ADAMTS17: variants seen among roughly 807,000 people sequenced by gnomAD.
ADAMTS17 encodes ADAM metallopeptidase with thrombospondin type 1 motif 17.
A neutral mutation model predicts 141.5 loss-of-function variants in ADAMTS17; 113 were observed. The ratio of observed to expected loss-of-function variants is 0.80; its 90% CI spans 0.69 to 0.93. The LOEUF is 0.93. Among genes scored for constraint, ADAMTS17 ranks in the 40% least tolerant of loss-of-function variants. The pLI is 0.00. For missense variants in ADAMTS17, 1,659 were observed against 1,517.9 expected (o/e 1.09, Z -1.54); for synonymous variants, 768 against 630.6 (o/e 1.22, Z -3.27).
intron 3 of ADAMTS17, among the ~76,000 whole-genome samples, chr15:100,288,400 T>C (rs138078075): frequency 1.3e-5 from 2 of 152,254 alleles, no homozygotes; most frequent in African/African-American, 4.8e-5. Context: ...GAGACACAGA[T>C]AATACATAGT....
chr15:100,022,604 T>G (rs1353469480), intron 18 of ADAMTS17, among the ~76,000 whole-genome samples: 1 of 152,076 alleles, frequency 6.6e-6, no homozygotes, highest in Non-Finnish European at 1.5e-5. Flanking sequence ...ACCAGTAAAT[T>G]ATGTAACGGA....
At chr15:100,080,935 G>A (rs1305777082) in intron 15 of ADAMTS17, among the ~76,000 whole-genome samples, 1 of 152,190 alleles carries the variant, frequency 6.6e-6, no homozygotes, top group African/African-American at 2.4e-5. Context: ...GTTCTCAGGA[G>A]ATGTGTATGG....
chr15:100,222,928 GC>G (rs1206220424), intron 7 of ADAMTS17, among the ~76,000 whole-genome samples: 1 of 152,202 alleles, frequency 6.6e-6, no homozygotes, highest in African/African-American at 2.4e-5. Flanking sequence ...GACACACTTT[GC>G]TGGCATTCAA....
chr15:100,041,252 T>C (rs1004104755), intron 18 of ADAMTS17, among the ~76,000 whole-genome samples: 18 of 152,258 alleles, frequency 1.2e-4, no homozygotes, highest in African/African-American at 4.3e-4. Context: ...TGTTGAATGT[T>C]CTTTTCTGAA....
intron 18 of ADAMTS17, among the ~76,000 whole-genome samples, chr15:100,023,923 G>C (rs1462186901): frequency 6.6e-6 from 1 of 152,162 alleles, no homozygotes; most frequent in Non-Finnish European, 1.5e-5. Flanking sequence ...AGAAAATCTG[G>C]AAAGTACAAA....
chr15:100,263,227 C>G (rs2142001562), intron 4 of ADAMTS17, among the ~76,000 whole-genome samples: 1 of 152,230 alleles, frequency 6.6e-6, no homozygotes, highest in South Asian at 2.1e-4. Context: ...CATTGCTAAC[C>G]CTTGCCACAC....
At chr15:100,256,151 C>T (rs73481931) in intron 6 of ADAMTS17, among the ~76,000 whole-genome samples, 14,836 of 152,204 alleles carry the variant, frequency 0.097, 1,450 homozygotes, top group African/African-American at 0.25. Context: ...CCACTGCCAA[C>T]TCATGACAAA....
intron 8 of ADAMTS17, among the ~76,000 whole-genome samples, chr15:100,198,003 C>T (rs1453114072): frequency 6.6e-6 from 1 of 152,048 alleles, no homozygotes; most frequent in African/African-American, 2.4e-5. Flanking sequence ...GGAGGGAATA[C>T]CACACACCAG....
intron 15 of ADAMTS17, among the ~76,000 whole-genome samples, chr15:100,087,210 C>G (rs1025691250): frequency 2.6e-5 from 4 of 152,296 alleles, no homozygotes; most frequent in Middle Eastern, 3.4e-3. Flanking sequence ...TTATAAACAC[C>G]TCTACACAAA....
chr15:100,151,280 C>T (rs551579726), intron 10 of ADAMTS17, among the ~76,000 whole-genome samples: 1 of 152,312 alleles, frequency 6.6e-6, no homozygotes, highest in East Asian at 1.9e-4. Context: ...GGGAAACAGC[C>T]AGTAGGAGAC....
At chr15:99,976,378 A>G in intron 20 of ADAMTS17, 156 bp from the exon 21 acceptor site, 1 of 955,316 alleles carries the variant, frequency 1.0e-6, no homozygotes, top group Non-Finnish European at 1.6e-6. Flanking sequence ...GGCACTGCGG[A>G]GACAGGACAG....
At position 100,216,832 on chromosome 15, in the gene ADAMTS17, T is replaced by C. The variant is rs77263199; in HGVS notation, c.1076-17409A>G. ...TTTTTCAGATTTTGAGATAGGTGAA[T>C]TCATAATAATTAAGTAACAATATTT... On this transcript the variant is annotated intron_variant, in intron 7 of 21. Coordinates refer to ENST00000268070, the MANE Select transcript of ADAMTS17 (RefSeq NM_139057.4). Among the ~76,000 whole-genome samples, 12 of 152,322 alleles carry C rather than the reference T, an allele frequency of 7.9e-5. 1 individual carries two copies. In the East Asian group the frequency reaches 1.7e-3, roughly 22 times the overall value.
chr15:100,229,762 A>C (rs542731685), intron 7 of ADAMTS17, among the ~76,000 whole-genome samples: 15 of 152,344 alleles, frequency 9.8e-5, no homozygotes, highest in South Asian at 2.1e-4. Context: ...CCTCTCCCTG[A>C]CCAAATGCAA....
chr15:100,104,168 G>C (rs1428494618), intron 14 of ADAMTS17, among the ~76,000 whole-genome samples: 1 of 152,176 alleles, frequency 6.6e-6, no homozygotes, highest in Non-Finnish European at 1.5e-5. Context: ...AGCTGGACTC[G>C]CTCATTGCAT....
At position 100,167,310 on chromosome 15, in the gene ADAMTS17, G is replaced by A. The variant is rs150075497; in HGVS notation, c.1182-11990C>T. On this transcript the variant is annotated intron_variant, in intron 8 of 21. Transcript: ENST00000268070. ...TAACACAGCTGGAGAACAATTAGTGGCCAGGTGTAGACATCAGGAGCTGAA... is the reference window on the plus strand; with the variant it reads ...TAACACAGCTGGAGAACAATTAGTGACCAGGTGTAGACATCAGGAGCTGAA... Among the ~76,000 whole-genome samples, 250 of 152,280 alleles carry A rather than the reference G, an allele frequency of 1.6e-3. 2 individuals are homozygous for A. The highest frequency in any genetic ancestry group is 5.7e-3 in the African/African-American group (239 of 41,566).
chr15:100,270,570 A>G (rs2043870660), intron 4 of ADAMTS17, among the ~76,000 whole-genome samples: 1 of 151,862 alleles, frequency 6.6e-6, no homozygotes, highest in African/African-American at 2.4e-5. Flanking sequence ...GGATGCTGGT[A>G]TATGGCATCA....
chr15:100,320,689 C>T lies in ADAMTS17; in HGVS notation c.616+10200G>A, dbSNP rs143966463. Among the ~76,000 whole-genome samples, 221 of 152,098 alleles carry T rather than the reference C, an allele frequency of 1.5e-3. 5 individuals are homozygous for T. The East Asian group carries it at 0.016, about 11-fold the overall frequency. The stretch of plus-strand genomic sequence containing the variant: ...CTCTAAAAATATACTAAAAATTAGC[C>T]GGGTGTGGTGGCGCATGCCTGTAGT... On this transcript the variant is annotated intron_variant, in intron 3 of 21. Transcript: ENST00000268070.
chr15:100,273,465 G>T (rs2043980889), intron 4 of ADAMTS17, among the ~76,000 whole-genome samples: 1 of 152,036 alleles, frequency 6.6e-6, no homozygotes, highest in Non-Finnish European at 1.5e-5. Context: ...CTTCATCTAG[G>T]TTATCCATTT....
At chr15:100,117,091 A>AGGGG in intron 12 of ADAMTS17, 78 bp from the exon 13 acceptor site, 1 of 1,510,292 alleles carries the variant, frequency 6.6e-7, no homozygotes, top group Non-Finnish European at 8.9e-7. Flanking sequence ...CTCTCTTGCC[A>AGGGG]GGGGGAGGAG....
Sources: gnomAD v4.1 joint callset for allele counts (sites outside exome capture counted in the v4.1 genomes callset) on GRCh38, gnomAD v4.1.1 for gene constraint, MANE v1.5 for transcripts, NCBI Gene and HGNC (gene_info 2026-07-23, HGNC 2026-07-21) for gene names.